PRKG1: variants seen among roughly 807,000 people sequenced by gnomAD.
The protein encoded by PRKG1 is protein kinase cGMP-dependent 1, also known as cGMP-dependent protein kinase 1.
PRKG1 carries 35 observed loss-of-function variants against 88.1 expected under a neutral mutation model. The ratio of observed to expected loss-of-function variants is 0.40; its 90% CI spans 0.30 to 0.53. PRKG1 has a LOEUF of 0.53. Among genes scored for constraint, PRKG1 ranks in the 20% least tolerant of loss-of-function variants. The probability of loss-of-function intolerance (pLI) is 0.59; values close to 1 mark genes in which losing one functional copy is unlikely to be tolerated. For synonymous variants in PRKG1, 303 were observed against 292.5 expected (o/e 1.04, Z -0.37); for missense variants, 540 against 839.8 (o/e 0.64, Z 4.41).
At chr10:51,949,224 A>T (rs1455067307) in intron 5 of PRKG1, among the ~76,000 whole-genome samples, 1 of 152,202 alleles carries the variant, frequency 6.6e-6, no homozygotes, top group East Asian at 1.9e-4. Flanking sequence ...AGGAGGCAAG[A>T]TTCAAAAAGG....
At position 51,284,348 on chromosome 10, in the gene PRKG1, C is replaced by T. The variant is rs148277510; in HGVS notation, c.478+131018C>T. On this transcript the variant is annotated intron_variant, in intron 2 of 17. Transcript: ENST00000373980. Reference sequence around the variant, plus strand: ...AGACATTATTATTAGCCCCACTTTACGTACTAGGAAGCTGAGGCTCAGAAT... The same window carrying T: ...AGACATTATTATTAGCCCCACTTTATGTACTAGGAAGCTGAGGCTCAGAAT... Among the ~76,000 whole-genome samples, 1,022 of 152,282 alleles carry T rather than the reference C, an allele frequency of 6.7e-3. 9 individuals are homozygous for T. Among genetic ancestry groups the T allele is most frequent in the African/African-American group, 0.022 (925 of 41,560 alleles).
At chr10:51,102,824 A>G (rs576915673) in intron 1 of PRKG1, among the ~76,000 whole-genome samples, 1 of 152,284 alleles carries the variant, frequency 6.6e-6, no homozygotes, top group South Asian at 2.1e-4. Flanking sequence ...AAATAATGTA[A>G]AAGAGAAACA....
At chr10:51,074,975 C>T (rs552345251) in intron 1 of PRKG1, 74 bp downstream of exon 1, 2 of 1,464,186 alleles carry the variant, frequency 1.4e-6, no homozygotes, top group South Asian at 2.8e-5. Flanking sequence ...TATTGTCTGT[C>T]GGCCCCCGCC....
intron 3 of PRKG1, among the ~76,000 whole-genome samples, chr10:51,526,804 C>T (rs1443286620): frequency 2.0e-5 from 3 of 152,262 alleles, no homozygotes; most frequent in Admixed American, 2.0e-4. Context: ...ATTCTTTTAT[C>T]CAGCATTTTC....
chr10:51,625,783 C>A (rs1839321608), intron 3 of PRKG1, among the ~76,000 whole-genome samples: 2 of 150,742 alleles, frequency 1.3e-5, no homozygotes, highest in Admixed American at 1.3e-4. Flanking sequence ...TTACTATTAT[C>A]AAACAAACCT....
rs113779122 is a variant in PRKG1 at position 51,049,062 on chromosome 10, G to A, written c.266+57418G>A. 5.5e-4 allele frequency among the ~76,000 whole-genome samples: 84 copies of A among 152,140 alleles called. 1 individual carries two copies. Among genetic ancestry groups the A allele is most frequent in the African/African-American group, 1.9e-3 (79 of 41,500 alleles). On this transcript the variant is annotated intron_variant, in intron 1 of 17. Transcript: ENST00000401604. ...TGACAGAGGCTCTGTGTAGATGCATGCTGCCATGACTGACAGGGCCGGGAA... is the reference window on the plus strand; with the variant it reads ...TGACAGAGGCTCTGTGTAGATGCATACTGCCATGACTGACAGGGCCGGGAA...
At chr10:51,526,471 T>A (rs1272959564) in intron 3 of PRKG1, among the ~76,000 whole-genome samples, 3 of 152,166 alleles carry the variant, frequency 2.0e-5, no homozygotes, top group African/African-American at 7.2e-5. Context: ...TTTATTTGTA[T>A]TGGGGCAGAA....
At chr10:51,597,025 C>CA (rs1237554450) in intron 3 of PRKG1, among the ~76,000 whole-genome samples, 7 of 152,182 alleles carry the variant, frequency 4.6e-5, no homozygotes, top group Non-Finnish European at 1.0e-4. Flanking sequence ...GTCCCTGTAA[C>CA]AAGCTTCACA....
At chr10:51,930,075 G>A (rs1482020779) in intron 5 of PRKG1, among the ~76,000 whole-genome samples, 1 of 152,212 alleles carries the variant, frequency 6.6e-6, no homozygotes, top group Non-Finnish European at 1.5e-5. Flanking sequence ...TGGTATGTCA[G>A]AATTTCCTTC....
At chr10:51,184,834 A>G (rs1432502025) in intron 2 of PRKG1, among the ~76,000 whole-genome samples, 3 of 152,096 alleles carry the variant, frequency 2.0e-5, no homozygotes, top group Non-Finnish European at 4.4e-5. Flanking sequence ...TGCGTACCTC[A>G]CCCAGGTCAA....
intron 10 of PRKG1, among the ~76,000 whole-genome samples, chr10:52,260,902 C>T (rs1410398878): frequency 6.6e-6 from 1 of 151,848 alleles, no homozygotes; most frequent in Non-Finnish European, 1.5e-5. Flanking sequence ...AAACTAATTC[C>T]TTAATAAGGG....
intron 2 of PRKG1, among the ~76,000 whole-genome samples, chr10:51,442,821 A>G (rs1169883983): frequency 2.6e-5 from 4 of 151,968 alleles, no homozygotes; most frequent in African/African-American, 9.7e-5. Flanking sequence ...AGCATAGCCA[A>G]CCTCTTAGTG....
At chr10:51,947,814 G>A (rs1178682551) in intron 5 of PRKG1, among the ~76,000 whole-genome samples, 1 of 151,866 alleles carries the variant, frequency 6.6e-6, no homozygotes, top group Non-Finnish European at 1.5e-5. Context: ...AAGATTTGGG[G>A]TGGAGAGGGA....
chr10:51,372,072 T>A (rs1189325), intron 2 of PRKG1, among the ~76,000 whole-genome samples: 97,027 of 151,948 alleles, frequency 0.64, 31,495 homozygotes, highest in African/African-American at 0.7. Context: ...AGAAACATAA[T>A]AAAAAACATA....
intron 3 of PRKG1, among the ~76,000 whole-genome samples, chr10:51,524,066 A>G (rs185628687): frequency 1.0e-3 from 156 of 151,784 alleles, no homozygotes; most frequent in African/African-American, 3.7e-3. Flanking sequence ...AGTTTGTGGC[A>G]CCTCTCCCCT....
intron 2 of PRKG1, among the ~76,000 whole-genome samples, chr10:51,359,459 C>T (rs61852114): frequency 8.4e-5 from 11 of 130,864 alleles, no homozygotes; most frequent in African/African-American, 1.3e-4. Context: ...TGTGTGTGTG[C>T]GTGTGTGTGT....
At chr10:52,060,023 A>G (rs1846199957) in intron 6 of PRKG1, among the ~76,000 whole-genome samples, 1 of 151,882 alleles carries the variant, frequency 6.6e-6, no homozygotes, top group African/African-American at 2.4e-5. Flanking sequence ...TTGCTACAGT[A>G]GATATCAAGA....
At chr10:51,693,568 A>C (rs919074645) in intron 3 of PRKG1, among the ~76,000 whole-genome samples, 6 of 151,654 alleles carry the variant, frequency 4.0e-5, no homozygotes, top group Non-Finnish European at 7.4e-5. Context: ...TGCCTGGCTA[A>C]TTTTTGTATT....
chr10:51,868,301 G>T (rs1474245567), intron 4 of PRKG1, among the ~76,000 whole-genome samples: 1 of 152,150 alleles, frequency 6.6e-6, no homozygotes, highest in Non-Finnish European at 1.5e-5. Context: ...GCCAACTAGA[G>T]CAGAGGGCAT....
Sources: allele counts gnomAD v4.1 joint callset (sites outside exome capture counted in the v4.1 genomes callset), GRCh38; gene constraint gnomAD v4.1.1; transcripts MANE v1.5; gene names NCBI Gene and HGNC (gene_info 2026-07-23, HGNC 2026-07-21).